KCNQ1: variants seen among roughly 807,000 people sequenced by gnomAD.
KCNQ1 encodes the protein potassium voltage-gated channel subfamily Q member 1.
Under a neutral mutation model 72.4 loss-of-function variants are expected in KCNQ1, and 49 were observed. That is an observed-to-expected ratio of 0.68 (90% confidence interval 0.54 to 0.86). The LOEUF (loss-of-function observed/expected upper bound fraction) is 0.86, where lower values mean the gene tolerates loss of function less well. Among genes scored for constraint, KCNQ1 ranks in the 40% least tolerant of loss-of-function variants. The probability of loss-of-function intolerance (pLI) is 0.00; values close to 1 mark genes in which losing one functional copy is unlikely to be tolerated. For missense variants in KCNQ1, 790 were observed against 945.1 expected (o/e 0.84, Z 2.15); for synonymous variants, 450 against 412.6 (o/e 1.09, Z -1.10).
rs1590073700 is a variant in KCNQ1 at position 2,762,837 on chromosome 11, C to A, written c.1515-6007C>A. ...ACCCCGTCCACGGAAAAAGTGTCTT[C>A]CACGAAACTGGTCCCTGGTGCCAAA... On this transcript the variant is annotated intron_variant, in intron 11 of 15. Transcript: ENST00000155840. This position sits in a 1 kb window ranked among gnomAD's most constrained non-coding sequence, Gnocchi z 4.3. Among the ~76,000 whole-genome samples the A allele has an allele frequency of 6.6e-6, 1 of 152,114 alleles. No homozygotes were observed. Among genetic ancestry groups the A allele is most frequent in the Non-Finnish European group, 1.5e-5 (1 of 68,030 alleles).
In KCNQ1 at chr11:2,588,630, G is replaced by A. The variant is rs569983191; in HGVS notation, c.1252-83G>A. Reference sequence around the variant, plus strand: ...ATGTGGCGGGGGCTGGGCTCGGGGCGGCTGCACAGGCACTCTGGGGCCGGC... The same window carrying A: ...ATGTGGCGGGGGCTGGGCTCGGGGCAGCTGCACAGGCACTCTGGGGCCGGC... On this transcript the variant is annotated intron_variant, in intron 9 of 15. Transcript: ENST00000155840. This position sits in a 1 kb window ranked among gnomAD's most constrained non-coding sequence, Gnocchi z 5.6. The A allele has an allele frequency of 1.2e-5, 19 of 1,565,902 alleles. No individual in the cohort carries two copies. Among genetic ancestry groups the A allele is most frequent in the East Asian group, 6.7e-5 (3 of 44,548 alleles).
intron 1 of KCNQ1, among the ~76,000 whole-genome samples, chr11:2,525,279 C>A (rs1847477180): frequency 6.6e-6 from 1 of 152,260 alleles, no homozygotes; most frequent in African/African-American, 2.4e-5. Context: ...GGGCACTCAC[C>A]CTTCCAACCA....
chr11:2,571,813 G>A (rs145360620), intron 4 of KCNQ1, among the ~76,000 whole-genome samples, 200 bp from the exon 5 acceptor site: 198 of 152,286 alleles, frequency 1.3e-3, no homozygotes, highest in Non-Finnish European at 2.2e-3. Context: ...GGCAGATTCA[G>A]AGCAGGCTCT....
chr11:2,568,007 G>T (rs2078761), intron 2 of KCNQ1, among the ~76,000 whole-genome samples: 1 of 152,110 alleles, frequency 6.6e-6, no homozygotes, highest in Admixed American at 6.6e-5. Context: ...GGTGGCTCAC[G>T]CTTATAATCC....
intron 15 of KCNQ1, among the ~76,000 whole-genome samples, chr11:2,810,504 T>A (rs1163376096): frequency 6.6e-6 from 1 of 152,258 alleles, no homozygotes; most frequent in Non-Finnish European, 1.5e-5. Flanking sequence ...AGGAAATGTT[T>A]TTAGCAGTCC....
In KCNQ1 at chr11:2,769,763, C is replaced by T. The variant is rs1846560486; in HGVS notation, c.1590+844C>T. On this transcript the variant is annotated intron_variant, in intron 12 of 15. Transcript: ENST00000155840. The surrounding 1 kb of genome is among the most constrained non-coding windows in gnomAD (Gnocchi z 4.6). Reference sequence around the variant, plus strand: ...TGCCTGAGTCCCTTGGAGCGGGGGGCGTGTGACGTGCTTGAGTGAGTGCGT... The same window carrying T: ...TGCCTGAGTCCCTTGGAGCGGGGGGTGTGTGACGTGCTTGAGTGAGTGCGT... Among the ~76,000 whole-genome samples, 1 of 152,008 alleles carries T rather than the reference C, an allele frequency of 6.6e-6. No individual in the cohort carries two copies. Among genetic ancestry groups the T allele is most frequent in the African/African-American group, 2.4e-5 (1 of 41,362 alleles).
chr11:2,451,474 G>A lies in KCNQ1; in HGVS notation c.386+5990G>A, dbSNP rs1334931639. On this transcript the variant is annotated intron_variant, in intron 1 of 15. Coordinates refer to ENST00000155840, the MANE Select transcript of KCNQ1 (RefSeq NM_000218.3). The surrounding 1 kb of genome is among the most constrained non-coding windows in gnomAD (Gnocchi z 6.4). ...ACCCTGTCTTAGAGGATTGAGGCTC[G>A]GGGCCATGGGATCGGCACTGTCATT... 6.6e-6 allele frequency among the ~76,000 whole-genome samples: 1 copy of A among 152,178 alleles called. No individual in the cohort carries two copies. The highest frequency in any genetic ancestry group is 6.5e-5 in the Admixed American group (1 of 15,276).
intron 1 of KCNQ1, among the ~76,000 whole-genome samples, chr11:2,485,493 A>G (rs1054836498): frequency 3.3e-5 from 5 of 152,102 alleles, no homozygotes; most frequent in South Asian, 2.1e-4. Context: ...AGGGAAGCAC[A>G]CTATCAATAC....
intron 2 of KCNQ1, among the ~76,000 whole-genome samples, chr11:2,533,845 C>T (rs577444666): frequency 6.6e-6 from 1 of 152,334 alleles, no homozygotes; most frequent in East Asian, 1.9e-4. Context: ...GAGAGGCACT[C>T]AAAAGCACAA....
intron 11 of KCNQ1, chr11:2,684,878 T>G (rs1488107837): frequency 7.5e-6 from 3 of 398,576 alleles, no homozygotes; most frequent in Non-Finnish European, 1.3e-5. Flanking sequence ...GACAAAAGTT[T>G]TAGATTCTTT....
intron 15 of KCNQ1, 68 bp from the exon 16 acceptor site, chr11:2,847,699 C>T (rs1848358974): frequency 9.1e-6 from 13 of 1,435,114 alleles, no homozygotes; most frequent in Admixed American, 1.9e-5. Flanking sequence ...CAAACCTGGG[C>T]CCTGAGGCTG....
intron 15 of KCNQ1, among the ~76,000 whole-genome samples, chr11:2,792,509 G>C (rs1847047545): frequency 6.6e-6 from 1 of 152,254 alleles, no homozygotes. Flanking sequence ...TCTCCCTCAG[G>C]TCAGACCCAG....
chr11:2,742,777 C>T (rs1846078682), intron 11 of KCNQ1, among the ~76,000 whole-genome samples: 2 of 152,218 alleles, frequency 1.3e-5, no homozygotes, highest in Middle Eastern at 3.2e-3. Context: ...CCCGCTGTGG[C>T]CTCCTCTGCA....
At chr11:2,730,553 G>A (rs993262766) in intron 11 of KCNQ1, among the ~76,000 whole-genome samples, 7 of 152,230 alleles carry the variant, frequency 4.6e-5, no homozygotes, top group African/African-American at 9.6e-5. Context: ...TGGAGGAGCC[G>A]GTCAATAGCA....
rs1846213374 is a variant in KCNQ1 at position 2,457,430 on chromosome 11, A to G, written c.386+11946A>G. Among the ~76,000 whole-genome samples, 1 of 152,242 alleles carries G rather than the reference A, an allele frequency of 6.6e-6. No individual in the cohort carries two copies. ...AATAAAGCAAATGTGATATATATAC[A>G]CCATGGAATACTATGCAGACGTGAA... On this transcript the variant is annotated intron_variant, in intron 1 of 15. Coordinates refer to ENST00000155840, the MANE Select transcript of KCNQ1 (RefSeq NM_000218.3). This position sits in a 1 kb window ranked among gnomAD's most constrained non-coding sequence, Gnocchi z 5.0.
rs1047161848 is a variant in KCNQ1 at position 2,468,456 on chromosome 11, G to A, written c.386+22972G>A. ...ACTTTTTTTTTCTAAGTAGCTTTAC[G>A]GAGGCGTGCTTGGCATACGGTAAAC... On this transcript the variant is annotated intron_variant, in intron 1 of 15. Coordinates refer to ENST00000155840, the MANE Select transcript of KCNQ1 (RefSeq NM_000218.3). The surrounding 1 kb of genome is among the most constrained non-coding windows in gnomAD (Gnocchi z 5.7). Among the ~76,000 whole-genome samples the A allele has an allele frequency of 5.9e-5, 9 of 152,132 alleles. No individual in the cohort carries two copies. The highest frequency in any genetic ancestry group is 3.4e-3 in the Middle Eastern group (1 of 294).
intron 13 of KCNQ1, among the ~76,000 whole-genome samples, chr11:2,776,602 C>T (rs1321491931): frequency 2.0e-5 from 3 of 152,212 alleles, no homozygotes; most frequent in Non-Finnish European, 4.4e-5. Flanking sequence ...AGCAGCTGTG[C>T]CTCCGAGATG....
Position 2,620,957 on chromosome 11 carries a change from T to TTG in KCNQ1, c.1393+32103_1393+32104insTG, listed in dbSNP as rs397956034. ...GTTGTTGTTTTGTTTTGTTTTTTTT[T>TTG]GTCTGTTTTTTGCTTTTTTGTTTGT... On this transcript the variant is annotated intron_variant, in intron 10 of 15. Coordinates refer to ENST00000155840, the MANE Select transcript of KCNQ1 (RefSeq NM_000218.3). This position sits in a 1 kb window ranked among gnomAD's most constrained non-coding sequence, Gnocchi z 4.5. The TTG allele has an allele frequency of 1.0e-5, 4 of 396,962 alleles. No individual in the cohort carries two copies. Among genetic ancestry groups the TTG allele is most frequent in the Middle Eastern group, 6.3e-4 (1 of 1,588 alleles). 24.6% of individuals were successfully genotyped at this position (396,962 alleles called of 1,614,324 possible).
At chr11:2,575,109 C>T (rs1290310618) in intron 6 of KCNQ1, among the ~76,000 whole-genome samples, 1 of 152,178 alleles carries the variant, frequency 6.6e-6, no homozygotes, top group Non-Finnish European at 1.5e-5. Flanking sequence ...TCGCTGCTGC[C>T]CTGCCTGCCT....
Sources: allele counts gnomAD v4.1 joint callset (sites outside exome capture counted in the v4.1 genomes callset), GRCh38; gene constraint gnomAD v4.1.1; non-coding constraint Gnocchi (gnomAD v3.1); transcripts MANE v1.5; gene names NCBI Gene and HGNC (gene_info 2026-07-23, HGNC 2026-07-21).